Variants in SLIT2 observed in about 807,000 individuals in gnomAD.
SLIT2 encodes slit homolog 2 protein.
A neutral mutation model predicts 185.7 loss-of-function variants in SLIT2; 41 were observed. The observed-to-expected ratio is 0.22, with a 90% CI of 0.17 to 0.29. The LOEUF (loss-of-function observed/expected upper bound fraction) is 0.29. SLIT2 is among the 10% of genes least tolerant of loss of function. The pLI is 1.00. For missense variants in SLIT2, 1,571 were observed against 1,909.0 expected (o/e 0.82, Z 3.30); for synonymous variants, 693 against 680.2 (o/e 1.02, Z -0.29).
At chr4:20,361,973 T>G (rs975161807) in intron 4 of SLIT2, among the ~76,000 whole-genome samples, 3 of 152,116 alleles carry the variant, frequency 2.0e-5, no homozygotes, top group African/African-American at 7.2e-5. Flanking sequence ...TCGACCTTAA[T>G]TCAAAATACA....
intron 18 of SLIT2, among the ~76,000 whole-genome samples, chr4:20,538,978 C>T (rs998147020): frequency 2.6e-5 from 4 of 152,076 alleles, no homozygotes; most frequent in African/African-American, 4.8e-5. Context: ...GACATTGACT[C>T]AGTGTGTAAG....
intron 4 of SLIT2, among the ~76,000 whole-genome samples, chr4:20,451,616 A>G (rs951139983): frequency 1.3e-5 from 2 of 152,228 alleles, no homozygotes; most frequent in African/African-American, 4.8e-5. Context: ...CTGTTCAAAT[A>G]TGAGCCTTGA....
chr4:20,329,836 T>C (rs1719914507), intron 4 of SLIT2, among the ~76,000 whole-genome samples: 1 of 152,026 alleles, frequency 6.6e-6, no homozygotes. Flanking sequence ...GCCTCACCAG[T>C]TGATGATAGT....
intron 4 of SLIT2, among the ~76,000 whole-genome samples, chr4:20,419,467 C>T (rs1248036961): frequency 6.6e-6 from 1 of 152,080 alleles, no homozygotes; most frequent in Non-Finnish European, 1.5e-5. Flanking sequence ...ATGGGCTTCT[C>T]CAGTTGTTCT....
At chr4:20,381,609 T>C (rs1724519250) in intron 4 of SLIT2, among the ~76,000 whole-genome samples, 1 of 152,158 alleles carries the variant, frequency 6.6e-6, no homozygotes, top group African/African-American at 2.4e-5. Context: ...TTTCCAAAAA[T>C]AGATAGCATG....
chr4:20,593,553 A>G (rs991797215), intron 30 of SLIT2, among the ~76,000 whole-genome samples: 2 of 152,146 alleles, frequency 1.3e-5, no homozygotes, highest in Admixed American at 6.5e-5. Context: ...GAGATCTAAT[A>G]TCACAGCATG....
intron 4 of SLIT2, among the ~76,000 whole-genome samples, chr4:20,273,942 T>A (rs2109039885): frequency 6.6e-6 from 1 of 152,326 alleles, no homozygotes; most frequent in Admixed American, 6.5e-5. Context: ...GTGCAGGAAT[T>A]GCAGGTTACA....
intron 4 of SLIT2, among the ~76,000 whole-genome samples, chr4:20,339,014 G>A (rs1438091897): frequency 6.9e-6 from 1 of 145,352 alleles, no homozygotes; most frequent in East Asian, 2.1e-4. Context: ...GATTGCTTGA[G>A]CCAAGGAATT....
chr4:20,426,063 C>A (rs1266954467), intron 4 of SLIT2, among the ~76,000 whole-genome samples: 1 of 152,176 alleles, frequency 6.6e-6, no homozygotes, highest in African/African-American at 2.4e-5. Context: ...TCAGTGCTCC[C>A]TTATAGACTG....
intron 19 of SLIT2, 33 bp from the exon 20 acceptor site, chr4:20,541,420 C>A (rs754404196): frequency 1.9e-6 from 3 of 1,606,800 alleles, no homozygotes; most frequent in African/African-American, 2.7e-5. Context: ...AAACCCCAGG[C>A]TAAACTGTGC....
intron 11 of SLIT2, among the ~76,000 whole-genome samples, chr4:20,518,794 G>A (rs1284379206): frequency 2.1e-5 from 3 of 142,270 alleles, no homozygotes; most frequent in African/African-American, 5.2e-5. Flanking sequence ...TTTTAGTAGA[G>A]ACGGGGTTTC....
At chr4:20,410,184 G>C (rs966646783) in intron 4 of SLIT2, among the ~76,000 whole-genome samples, 9 of 149,928 alleles carry the variant, frequency 6.0e-5, no homozygotes, top group Admixed American at 2.0e-4. Context: ...TTTCTATTAG[G>C]GTTTTTATAG....
chr4:20,279,238 A>G (rs1429141460), intron 4 of SLIT2, among the ~76,000 whole-genome samples: 1 of 152,104 alleles, frequency 6.6e-6, no homozygotes, highest in Non-Finnish European at 1.5e-5. Context: ...GTTAAAATTA[A>G]CCTCCCATTT....
intron 15 of SLIT2, among the ~76,000 whole-genome samples, chr4:20,526,341 A>G (rs1336907539): frequency 6.6e-6 from 1 of 152,168 alleles, no homozygotes; most frequent in Non-Finnish European, 1.5e-5. Context: ...AACAAGTAAC[A>G]TGTTGAAAAG....
intron 4 of SLIT2, among the ~76,000 whole-genome samples, chr4:20,464,975 T>C (rs1714179769): frequency 6.6e-6 from 1 of 152,216 alleles, no homozygotes; most frequent in Non-Finnish European, 1.5e-5. Flanking sequence ...AGATATTAAA[T>C]AACAGTATGT....
In SLIT2 at chr4:20,528,250, T is replaced by C; in HGVS notation, c.1463-699T>C. ...CTTCCCTCCATTTTCCTCTTGGTCT[T>C]ACCTTTGGCCTAGTGGTTGGTGTAG... On this transcript the variant is annotated intron_variant, in intron 15 of 36. Coordinates refer to ENST00000504154, the MANE Select transcript of SLIT2 (RefSeq NM_004787.4). This position sits in a 1 kb window ranked among gnomAD's most constrained non-coding sequence, Gnocchi z 4.2. The C allele has an allele frequency of 1.9e-6, 1 of 534,604 alleles. No homozygotes were observed. 33.1% of individuals were successfully genotyped at this position (534,604 alleles called of 1,614,324 possible).
chr4:20,450,408 C>A (rs971466498), intron 4 of SLIT2, among the ~76,000 whole-genome samples: 2 of 152,100 alleles, frequency 1.3e-5, no homozygotes, highest in African/African-American at 4.8e-5. Flanking sequence ...ATTTGCAGTT[C>A]CATTCCATTT....
intron 19 of SLIT2, 24 bp downstream of exon 19, chr4:20,539,608 T>C (rs1293489384): frequency 2.7e-6 from 4 of 1,505,864 alleles, no homozygotes; most frequent in Non-Finnish European, 3.6e-6. Flanking sequence ...ATAGCCCTTA[T>C]GTATTACTTG....
intron 26 of SLIT2, among the ~76,000 whole-genome samples, chr4:20,557,842 A>G (rs531742302): frequency 1.3e-5 from 2 of 152,184 alleles, no homozygotes; most frequent in African/African-American, 4.8e-5. Flanking sequence ...AAATATCCAT[A>G]TTAACAGGAG....
Sources: allele counts gnomAD v4.1 joint callset (sites outside exome capture counted in the v4.1 genomes callset), GRCh38; gene constraint gnomAD v4.1.1; non-coding constraint Gnocchi (gnomAD v3.1); transcripts MANE v1.5; gene names NCBI Gene and HGNC (gene_info 2026-07-23, HGNC 2026-07-21).